Variants in GOLGA3 observed in about 807,000 individuals in gnomAD.
GOLGA3 encodes the protein golgin A3.
A neutral mutation model predicts 169.4 loss-of-function variants in GOLGA3; 75 were observed. The ratio of observed to expected loss-of-function variants is 0.44; its 90% CI spans 0.37 to 0.54. The LOEUF is 0.54. GOLGA3 is among the 20% of genes least tolerant of loss of function. The probability of loss-of-function intolerance (pLI) is 0.00; values close to 1 mark genes in which losing one functional copy is unlikely to be tolerated. For missense variants in GOLGA3, 1,899 were observed against 1,930.0 expected (o/e 0.98, Z 0.30); for synonymous variants, 824 against 822.4 (o/e 1.00, Z -0.03).
chr12:132,799,054 A>C (rs1949008499), intron 8 of GOLGA3, among the ~76,000 whole-genome samples: 1 of 152,218 alleles, frequency 6.6e-6, no homozygotes, highest in Non-Finnish European at 1.5e-5. Context: ...AGGAGGTGTG[A>C]GGACAGCCTG....
chr12:132,787,212 A>C (rs367924118), intron 13 of GOLGA3, among the ~76,000 whole-genome samples: 26 of 152,086 alleles, frequency 1.7e-4, no homozygotes, highest in Non-Finnish European at 1.9e-4. Context: ...TCGGCCTCCC[A>C]AAGTGCTGGG....
chr12:132,800,527 A>G (rs1949080650), intron 8 of GOLGA3, among the ~76,000 whole-genome samples: 1 of 152,118 alleles, frequency 6.6e-6, no homozygotes, highest in Non-Finnish European at 1.5e-5. Flanking sequence ...AATTGAAGAA[A>G]AGTTCTATTG....
Position 132,808,504 on chromosome 12 carries a change from G to C in GOLGA3, c.565C>G (p.Pro189Ala), listed in dbSNP as rs1267106496. The C allele has an allele frequency of 6.2e-7, 1 of 1,606,080 alleles. No individual in the cohort carries two copies. The highest frequency in any genetic ancestry group is 2.2e-5 in the East Asian group (1 of 44,728). ...TKTRLFSTLD[P>A]ELMLNPENLP... ...TTTTCTGGGTTTAACATGAGCTCAG[G>C]ATCAAGCGTGCTAAAAAGTCTCGTT... Residue 189 changes from proline (P) to alanine (A), a missense_variant, in exon 5 of 24, where the codon CCT becomes GCT. Physicochemically the swap from Pro to Ala is conservative, Grantham distance 27 (BLOSUM62 -1). Transcript: ENST00000450791.
chr12:132,779,213 G>A (rs1231788708), intron 18 of GOLGA3, among the ~76,000 whole-genome samples: 7 of 152,124 alleles, frequency 4.6e-5, no homozygotes, highest in Non-Finnish European at 7.4e-5. Context: ...CCGAGTAGCT[G>A]GGACTACAGG....
intron 18 of GOLGA3, among the ~76,000 whole-genome samples, chr12:132,779,449 G>A (rs988558057): frequency 1.3e-5 from 2 of 152,136 alleles, no homozygotes; most frequent in African/African-American, 4.8e-5. Context: ...AAAAAATCAA[G>A]AACCTTTTTC....
chr12:132,780,614 T>C (rs1027486560), intron 18 of GOLGA3, among the ~76,000 whole-genome samples, 184 bp downstream of exon 18: 4 of 152,238 alleles, frequency 2.6e-5, no homozygotes, highest in African/African-American at 9.6e-5. Context: ...GCACTGCCAT[T>C]TAATCTAACG....
At position 132,771,213 on chromosome 12, in the gene GOLGA3, A is replaced by G. The variant is rs1366358671; in HGVS notation, c.*1892T>C. 2 of 152,614 alleles carry G rather than the reference A, an allele frequency of 1.3e-5. No individual in the cohort carries two copies. The highest frequency in any genetic ancestry group is 2.9e-5 in the Non-Finnish European group (2 of 68,044). The allele number at this position is 152,614 out of a possible 1,614,324, so 9.5% of individuals were successfully genotyped here. ...GGTTAATGCTACCTTAACCTTACCA[A>G]TTAACCTTCTAAAAGTATATTACAA... On this transcript the variant is annotated 3_prime_UTR_variant, in exon 24 of 24. Coordinates refer to ENST00000450791, the MANE Select transcript of GOLGA3 (RefSeq NM_001389683.1).
chr12:132,822,532 A>T (rs1202911393), intron 1 of GOLGA3, among the ~76,000 whole-genome samples: 2 of 152,242 alleles, frequency 1.3e-5, no homozygotes, highest in African/African-American at 4.8e-5. Context: ...TAATGTCTGT[A>T]TCGGTGCCAA....
intron 17 of GOLGA3, among the ~76,000 whole-genome samples, chr12:132,781,852 A>G (rs1360488653): frequency 6.6e-6 from 1 of 152,092 alleles, no homozygotes; most frequent in Non-Finnish European, 1.5e-5. Flanking sequence ...GCCCCCTACA[A>G]ACAATGTCAC....
intron 8 of GOLGA3, among the ~76,000 whole-genome samples, chr12:132,801,375 G>A (rs1042506753): frequency 6.6e-5 from 10 of 152,208 alleles, no homozygotes; most frequent in African/African-American, 2.4e-4. Flanking sequence ...GAGTGGGGAG[G>A]CTGAGGTGGG....
intron 8 of GOLGA3, among the ~76,000 whole-genome samples, chr12:132,799,754 G>C (rs923709361): frequency 2.1e-4 from 32 of 151,112 alleles, no homozygotes; most frequent in African/African-American, 7.8e-4. Flanking sequence ...TTTTTTTTGA[G>C]ACAAAGTCTG....
At position 132,798,427 on chromosome 12, in the gene GOLGA3, A is replaced by G. The variant is rs1948977284; in HGVS notation, c.1851T>C (p.Asn617=). The stretch of plus-strand genomic sequence containing the variant: ...CCGTCAGCTGCTGGGACAGGGACAC[A>G]TTCTCGAGTTTCAGGTGCTCCAGGA... ...AGLLEHLKLE[N]VSLSQQLTET... The change falls in exon 9 of 24, where the codon AAT becomes AAC. Residue 617 remains asparagine (N), a synonymous_variant. Transcript: ENST00000450791. 3 of 1,613,068 alleles carry G rather than the reference A, an allele frequency of 1.9e-6. No homozygotes were observed. The highest frequency in any genetic ancestry group is 2.5e-6 in the Non-Finnish European group (3 of 1,179,586).
At position 132,773,072 on chromosome 12, in the gene GOLGA3, G is replaced by A. The variant is rs2044984345; in HGVS notation, c.*33C>T. The A allele has an allele frequency of 7.1e-7, 1 of 1,412,108 alleles. No homozygotes were observed. The allele number at this position is 1,412,108 out of a possible 1,614,324, so 87.5% of individuals were successfully genotyped here. On this transcript the variant is annotated 3_prime_UTR_variant, in exon 24 of 24. Transcript: ENST00000450791. Reference sequence around the variant, plus strand: ...AAATAACATTGATAAGAGCCTTCTGGGGCAGCGGCGCACGGAGGCGAGTCC... The same window carrying A: ...AAATAACATTGATAAGAGCCTTCTGAGGCAGCGGCGCACGGAGGCGAGTCC...
chr12:132,787,859 C>CA (rs2046005430), intron 13 of GOLGA3, among the ~76,000 whole-genome samples: 2 of 116,664 alleles, frequency 1.7e-5, no homozygotes, highest in Admixed American at 8.0e-5. Context: ...CCCCGGAGAC[C>CA]CCGGGACCCC....
chr12:132,774,473 C>T, intron 22 of GOLGA3, 153 bp from the exon 23 acceptor site: 2 of 738,806 alleles, frequency 2.7e-6, no homozygotes, highest in South Asian at 3.4e-5. Flanking sequence ...CCCAGCACGA[C>T]AGTCCCCGGA....
In GOLGA3 at chr12:132,777,141, C is replaced by A; in HGVS notation, c.3723-51G>T. 6.5e-7 allele frequency: 1 copy of A among 1,532,494 alleles called. No homozygotes were observed. Among genetic ancestry groups the A allele is most frequent in the Non-Finnish European group, 8.8e-7 (1 of 1,140,612 alleles). 94.9% of individuals were successfully genotyped at this position (1,532,494 alleles called of 1,614,324 possible). ...GGAATCGCCACGCTCCTCCAGTGTG[C>A]TGTGCCCTCCCGCTGGGAAATGCTG... On this transcript the variant is annotated intron_variant, in intron 19 of 23. Coordinates refer to ENST00000450791, the MANE Select transcript of GOLGA3 (RefSeq NM_001389683.1). This position sits in a 1 kb window ranked among gnomAD's most constrained non-coding sequence, Gnocchi z 4.7.
Position 132,813,436 on chromosome 12 carries a change from G to A in GOLGA3, c.407-17C>T, listed in dbSNP as rs1593365613. On this transcript the variant is annotated splice_polypyrimidine_tract_variant and intron_variant, in intron 3 of 23. Coordinates refer to ENST00000450791, the MANE Select transcript of GOLGA3 (RefSeq NM_001389683.1). ...CTGTAGAGCCTGCAGTGGGAAAAGGGCAATTTGGAAACTCATAAAATACCA... is the reference window on the plus strand; with the variant it reads ...CTGTAGAGCCTGCAGTGGGAAAAGGACAATTTGGAAACTCATAAAATACCA... 1 of 1,436,832 alleles carries A rather than the reference G, an allele frequency of 7.0e-7. No individual in the cohort carries two copies. The highest frequency in any genetic ancestry group is 9.7e-7 in the Non-Finnish European group (1 of 1,032,088). 89.0% of individuals were successfully genotyped at this position (1,436,832 alleles called of 1,614,324 possible). A position where few individuals can be genotyped will look rare whatever the true frequency, so the allele number is the denominator to read the frequency against.
At chr12:132,799,334 G>A (rs961090537) in intron 8 of GOLGA3, among the ~76,000 whole-genome samples, 5 of 152,232 alleles carry the variant, frequency 3.3e-5, no homozygotes, top group African/African-American at 9.6e-5. Flanking sequence ...AAGGAATGCT[G>A]AACCTGGGTT....
chr12:132,787,164 G>A (rs1233432409), intron 13 of GOLGA3, among the ~76,000 whole-genome samples: 1 of 152,060 alleles, frequency 6.6e-6, no homozygotes, highest in Non-Finnish European at 1.5e-5. Context: ...ATATTGGTCA[G>A]GCTAGTCTTG....
Sources: gnomAD v4.1 joint callset for allele counts (sites outside exome capture counted in the v4.1 genomes callset) on GRCh38, gnomAD v4.1.1 for gene constraint, Gnocchi (gnomAD v3.1) non-coding constraint, MANE v1.5 for transcripts, NCBI Gene and HGNC (gene_info 2026-07-23, HGNC 2026-07-21) for gene names.